Variants in PLXNA4 observed in about 807,000 individuals in gnomAD.
PLXNA4 encodes plexin-A4.
A neutral mutation model predicts 191.8 loss-of-function variants in PLXNA4; 44 were observed. That is an observed-to-expected ratio of 0.23 (90% confidence interval 0.18 to 0.29). The LOEUF (loss-of-function observed/expected upper bound fraction) is 0.29, where lower values mean the gene tolerates loss of function less well. Among genes scored for constraint, PLXNA4 ranks in the 10% least tolerant of loss-of-function variants. PLXNA4 has a pLI of 1.00. For synonymous variants in PLXNA4, 1,082 were observed against 1,009.5 expected, an observed-to-expected ratio of 1.07 and a Z score of -1.36; for missense variants, 1,800 against 2,488.8, an observed-to-expected ratio of 0.72 and a Z score of 5.89.
rs754070 is a variant in PLXNA4 at position 132,569,761 on chromosome 7, T to C, written c.-87+6661A>G. Among the ~76,000 whole-genome samples, 451 of 152,290 alleles carry C rather than the reference T, an allele frequency of 3.0e-3. 6 individuals are homozygous for C. In the South Asian group the frequency reaches 0.034, roughly 12 times the overall value. ...AAATGGACACGTGCCTAAGTAGCTG[T>C]CTCTTTCCTTGGAAAGACAAGGGAC... On this transcript the variant is annotated intron_variant, in intron 1 of 31. Coordinates refer to ENST00000321063, the MANE Select transcript of PLXNA4 (RefSeq NM_020911.2).
intron 1 of PLXNA4, among the ~76,000 whole-genome samples, chr7:132,646,833 G>A (rs776594762): frequency 3.3e-5 from 5 of 152,012 alleles, no homozygotes; most frequent in East Asian, 1.9e-4. Flanking sequence ...ACAGACACAC[G>A]GCCACACATA....
chr7:132,563,077 TTC>T (rs1585348343), intron 1 of PLXNA4, among the ~76,000 whole-genome samples: 2 of 94,228 alleles, frequency 2.1e-5, no homozygotes, highest in African/African-American at 8.0e-5. Flanking sequence ...CTCCTCCTCC[TTC>T]TCCTCCTCCT....
chr7:132,171,017 C>T (rs982571318), intron 21 of PLXNA4, among the ~76,000 whole-genome samples: 1 of 152,184 alleles, frequency 6.6e-6, no homozygotes, highest in African/African-American at 2.4e-5. Flanking sequence ...CTCCCCACCA[C>T]TGGGGGCTGA....
chr7:132,501,086 T>C (rs1798229882), intron 2 of PLXNA4, among the ~76,000 whole-genome samples: 1 of 140,174 alleles, frequency 7.1e-6, no homozygotes. Flanking sequence ...TATCTCACAC[T>C]GCATGAGGCG....
At chr7:132,360,492 T>C (rs1803889958) in intron 3 of PLXNA4, among the ~76,000 whole-genome samples, 1 of 152,224 alleles carries the variant, frequency 6.6e-6, no homozygotes, top group East Asian at 1.9e-4. Context: ...AGATACTCAG[T>C]TTCTCTTTAG....
intron 20 of PLXNA4, 64 bp downstream of exon 20, chr7:132,179,623 T>G: frequency 6.4e-7 from 1 of 1,573,972 alleles, no homozygotes; most frequent in East Asian, 2.3e-5. Flanking sequence ...TACACAGATG[T>G]GCATGCACAC....
intron 1 of PLXNA4, among the ~76,000 whole-genome samples, chr7:132,572,185 G>A (rs1218537792): frequency 5.9e-5 from 9 of 152,200 alleles, no homozygotes; most frequent in Admixed American, 3.9e-4. Context: ...GCTCACAAGT[G>A]AGACTTGGCT....
chr7:132,249,568 G>C (rs1441886042), intron 4 of PLXNA4, among the ~76,000 whole-genome samples: 1 of 152,204 alleles, frequency 6.6e-6, no homozygotes, highest in Non-Finnish European at 1.5e-5. Flanking sequence ...ATCGTTATTA[G>C]CCAGACCCCT....
At chr7:132,625,877 C>T (rs752560492) in intron 2 of PLXNA4, among the ~76,000 whole-genome samples, 5 of 152,144 alleles carry the variant, frequency 3.3e-5, no homozygotes, top group Admixed American at 1.3e-4. Flanking sequence ...CCTGCTCTCA[C>T]GGAGTTTACA....
intron 21 of PLXNA4, among the ~76,000 whole-genome samples, chr7:132,171,059 C>G (rs1796271747): frequency 6.6e-6 from 1 of 152,218 alleles, no homozygotes; most frequent in Non-Finnish European, 1.5e-5. Flanking sequence ...TTGCCATCAG[C>G]CCGGGCCTCA....
intron 4 of PLXNA4, among the ~76,000 whole-genome samples, chr7:132,245,206 C>T (rs1035439824): frequency 2.7e-5 from 4 of 150,372 alleles, no homozygotes; most frequent in East Asian, 3.9e-4. Context: ...GTAAGAGGGG[C>T]GGGGGAGGGA....
intron 1 of PLXNA4, among the ~76,000 whole-genome samples, chr7:132,646,386 T>C (rs1268484642): frequency 6.6e-6 from 1 of 152,208 alleles, no homozygotes; most frequent in Non-Finnish European, 1.5e-5. Context: ...TGAATGTTTC[T>C]GGCTCCCTAA....
intron 3 of PLXNA4, among the ~76,000 whole-genome samples, chr7:132,386,128 G>A (rs1213703840): frequency 2.0e-5 from 3 of 152,172 alleles, no homozygotes; most frequent in African/African-American, 4.8e-5. Flanking sequence ...CATTGATAGA[G>A]GGGCCCCGTG....
intron 3 of PLXNA4, among the ~76,000 whole-genome samples, chr7:132,338,289 C>G (rs1011785495): frequency 1.3e-5 from 2 of 152,212 alleles, no homozygotes; most frequent in Non-Finnish European, 2.9e-5. Context: ...ACTCAAATTC[C>G]TCTCGGCCTC....
Position 132,435,997 on chromosome 7 carries a change from C to T in PLXNA4, c.1371+53295G>A, listed in dbSNP as rs1272232868. Among the ~76,000 whole-genome samples the T allele has an allele frequency of 2.0e-5, 3 of 152,212 alleles. No homozygotes were observed. In the East Asian group the frequency reaches 5.8e-4, roughly 29 times the overall value. ...ATTAGAGGTTTCTGGCTTAGGGGCA[C>T]CCCCGAACCCTGCTCCTCACAGACT... is the stretch of plus-strand genomic sequence containing the variant. On this transcript the variant is annotated intron_variant, in intron 3 of 31. Transcript: ENST00000321063.
intron 2 of PLXNA4, among the ~76,000 whole-genome samples, chr7:132,624,214 G>A (rs1803326916): frequency 6.6e-6 from 1 of 152,142 alleles, no homozygotes; most frequent in South Asian, 2.1e-4. Context: ...CCAAGTACCC[G>A]GGCTCTTTAT....
At chr7:132,445,156 G>GAA in intron 3 of PLXNA4, among the ~76,000 whole-genome samples, 1 of 15,126 alleles carries the variant, frequency 6.6e-5, no homozygotes, top group Non-Finnish European at 1.5e-4. Context: ...CTCCATCTCA[G>GAA]GAAAAAAAAA....
rs957463291 is a variant in PLXNA4 at position 132,508,931 on chromosome 7, C to T, written c.-86-152G>A. ...AGGCTGACTGAGTCAACCCCCACCA[C>T]GGGCATGTGACACAGTCAGAGCCGG... On this transcript the variant is annotated intron_variant, in intron 1 of 31. Transcript: ENST00000321063. The surrounding 1 kb of genome is among the most constrained non-coding windows in gnomAD (Gnocchi z 4.4). 8.5e-5 allele frequency among the ~76,000 whole-genome samples: 13 copies of T among 152,192 alleles called. No individual in the cohort carries two copies. The highest frequency in any genetic ancestry group is 1.9e-4 in the African/African-American group (8 of 41,452).
chr7:132,130,556 G>A lies in PLXNA4; in HGVS notation c.5608C>T (p.His1870Tyr), dbSNP rs150228337. Residue 1870 changes from histidine (H) to tyrosine (Y), a missense_variant, in exon 32 of 32, where the codon CAC becomes TAC. Coordinates refer to ENST00000321063, the MANE Select transcript of PLXNA4 (RefSeq NM_020911.2). The stretch of plus-strand genomic sequence containing the variant: ...TTCTGCTTCCCACACTGGTCATCGT[G>A]GTCCAGAGGTCCAAGGATCTGCGGA... The part of the protein sequence containing the change: ...YSEEILGPLD[H>Y]DDQCGKQKLA... 5,501 of 1,614,076 alleles carry A rather than the reference G, an allele frequency of 3.4e-3. 22 individuals carry two copies. The highest frequency in any genetic ancestry group is 0.017 in the Middle Eastern group (103 of 6,060).
Sources: gnomAD v4.1 joint callset for allele counts (sites outside exome capture counted in the v4.1 genomes callset) on GRCh38, gnomAD v4.1.1 for gene constraint, Gnocchi (gnomAD v3.1) non-coding constraint, MANE v1.5 for transcripts, NCBI Gene and HGNC (gene_info 2026-07-23, HGNC 2026-07-21) for gene names.